The following C10orf90 variants were observed in gnomAD, a reference collection of about 807,000 sequenced individuals.
C10orf90 encodes chromosome 10 open reading frame 90, also known as (E2-independent) E3 ubiquitin-conjugating enzyme FATS.
A neutral mutation model predicts 62.5 loss-of-function variants in C10orf90; 56 were observed. That is an observed-to-expected ratio of 0.90 (90% CI 0.72 to 1.12). The LOEUF (loss-of-function observed/expected upper bound fraction) is 1.12. C10orf90 is among the 50% of genes most tolerant of loss of function. The pLI is 0.00. For synonymous variants in C10orf90, 386 were observed against 340.4 expected, an observed-to-expected ratio of 1.13 and a Z score of -1.47; for missense variants, 970 against 880.4, an observed-to-expected ratio of 1.10 and a Z score of -1.29.
chr10:126,567,228 G>T (rs1355302552), intron 2 of C10orf90, among the ~76,000 whole-genome samples: 2 of 152,210 alleles, frequency 1.3e-5, no homozygotes, highest in Non-Finnish European at 2.9e-5. Flanking sequence ...GGGTAGCATG[G>T]CTGGGAAAGC....
chr10:126,591,739 G>C (rs1844983843), intron 2 of C10orf90, among the ~76,000 whole-genome samples: 1 of 152,054 alleles, frequency 6.6e-6, no homozygotes, highest in East Asian at 1.9e-4. Flanking sequence ...ATTTAAATAG[G>C]AAGACAGGAA....
chr10:126,649,271 G>T (rs545216295), intron 1 of C10orf90, among the ~76,000 whole-genome samples: 1 of 152,076 alleles, frequency 6.6e-6, no homozygotes, highest in East Asian at 1.9e-4. Context: ...ACAACATCCT[G>T]CAAAGACTTG....
At chr10:126,662,305 G>A (rs943147579) in intron 1 of C10orf90, among the ~76,000 whole-genome samples, 9 of 152,030 alleles carry the variant, frequency 5.9e-5, no homozygotes, top group Non-Finnish European at 1.3e-4. Context: ...GGTGGTAAAG[G>A]ACCCGAATGA....
chr10:126,437,789 A>G (rs1207653056), intron 7 of C10orf90, among the ~76,000 whole-genome samples: 102 of 152,282 alleles, frequency 6.7e-4, no homozygotes, highest in Middle Eastern at 3.4e-3. Context: ...ACCTCTCCAT[A>G]CCATGGCAAC....
At position 126,524,713 on chromosome 10, in the gene C10orf90, G is replaced by T. The variant is rs142067508; in HGVS notation, c.314-10774C>A. 7.1e-6 allele frequency: 7 copies of T among 985,822 alleles called. No homozygotes were observed. In the South Asian group the frequency reaches 1.4e-4, roughly 20 times the overall value. 61.1% of individuals were successfully genotyped at this position (985,822 alleles called of 1,614,324 possible). A position where few individuals can be genotyped will look rare whatever the true frequency, so the allele number is the denominator to read the frequency against. The stretch of plus-strand genomic sequence containing the variant: ...TCCTCTGGGCTCATCTTCCTCATCC[G>T]CGAGGCAAGGAGTGCACGCACCTGT... On this transcript the variant is annotated intron_variant, in intron 2 of 9. Coordinates refer to ENST00000488181, the MANE Select transcript of C10orf90 (RefSeq NM_001350921.2).
chr10:126,491,484 C>T (rs1861771099), intron 4 of C10orf90, among the ~76,000 whole-genome samples: 1 of 152,120 alleles, frequency 6.6e-6, no homozygotes, highest in Non-Finnish European at 1.5e-5. Context: ...CAACAGAGTA[C>T]AGAACCGGGT....
chr10:126,645,459 G>T (rs923954936), intron 2 of C10orf90, among the ~76,000 whole-genome samples: 8 of 151,410 alleles, frequency 5.3e-5, no homozygotes, highest in Non-Finnish European at 1.2e-4. Context: ...GGATGGTGGT[G>T]CGTGCCTCTA....
At chr10:126,497,926 C>T (rs1862159520) in intron 4 of C10orf90, among the ~76,000 whole-genome samples, 1 of 152,212 alleles carries the variant, frequency 6.6e-6, no homozygotes, top group East Asian at 1.9e-4. Context: ...GGGCTGAGTT[C>T]TTGTCCATTC....
intron 7 of C10orf90, among the ~76,000 whole-genome samples, chr10:126,446,437 T>C (rs1858785586): frequency 6.6e-6 from 1 of 152,064 alleles, no homozygotes; most frequent in South Asian, 2.1e-4. Flanking sequence ...ATCAGCTGAT[T>C]TCTCAGCAGA....
chr10:126,469,845 C>A (rs1218326112), intron 4 of C10orf90: 1 of 456,558 alleles, frequency 2.2e-6, no homozygotes, highest in Non-Finnish European at 4.4e-6. Flanking sequence ...TGAACACCCA[C>A]TCTGCATGGG....
At chr10:126,635,063 C>T (rs1032395426) in intron 2 of C10orf90, among the ~76,000 whole-genome samples, 44 of 152,308 alleles carry the variant, frequency 2.9e-4, no homozygotes, top group African/African-American at 1.0e-3. Context: ...AATGTTTAAT[C>T]ACCCTTACAG....
At chr10:126,599,278 C>G (rs1008743599) in intron 2 of C10orf90, among the ~76,000 whole-genome samples, 63 of 151,670 alleles carry the variant, frequency 4.2e-4, no homozygotes, top group Non-Finnish European at 8.7e-4. Context: ...CTTCGCCTCC[C>G]GGGTTCACGC....
chr10:126,545,168 C>T (rs904397077), intron 2 of C10orf90, among the ~76,000 whole-genome samples: 1 of 152,082 alleles, frequency 6.6e-6, no homozygotes, highest in Non-Finnish European at 1.5e-5. Flanking sequence ...GTAATCATAC[C>T]CAGCCCTCCC....
At position 126,425,714 on chromosome 10, in the gene C10orf90, T is replaced by A. The variant is rs969152202; in HGVS notation, c.*150A>T. ...TTTCTGTTTGGCTTGGGTCAGTAAT[T>A]CAGGAAGTGATGTTTTCCTTTATGG... is the stretch of plus-strand genomic sequence containing the variant. On this transcript the variant is annotated 3_prime_UTR_variant, in exon 10 of 10. Coordinates refer to ENST00000488181, the MANE Select transcript of C10orf90 (RefSeq NM_001350921.2). 3 of 772,872 alleles carry A rather than the reference T, an allele frequency of 3.9e-6. No individual in the cohort carries two copies. The highest frequency in any genetic ancestry group is 6.1e-6 in the Non-Finnish European group (3 of 495,160). The allele number at this position is 772,872 out of a possible 1,614,324, so 47.9% of individuals were successfully genotyped here.
intron 2 of C10orf90, among the ~76,000 whole-genome samples, chr10:126,616,876 C>T (rs1185430894): frequency 1.3e-5 from 2 of 152,114 alleles, no homozygotes; most frequent in African/African-American, 2.4e-5. Context: ...CCTTCAGTGC[C>T]CCAGCAAAGT....
intron 2 of C10orf90, among the ~76,000 whole-genome samples, chr10:126,592,511 C>A (rs1176858527): frequency 6.6e-6 from 1 of 152,088 alleles, no homozygotes; most frequent in Non-Finnish European, 1.5e-5. Context: ...TGAAACTGGA[C>A]CCCTTCCTTA....
chr10:126,521,407 T>A (rs1863737350), intron 2 of C10orf90: 1 of 1,600,870 alleles, frequency 6.2e-7, no homozygotes, highest in Admixed American at 1.7e-5. Context: ...AAGAAAAAAA[T>A]GTCCGGAGTT....
At chr10:126,532,613 A>G (rs567042800) in intron 2 of C10orf90, among the ~76,000 whole-genome samples, 7 of 151,792 alleles carry the variant, frequency 4.6e-5, no homozygotes, top group South Asian at 4.2e-4. Context: ...CGAGGAGGGC[A>G]GATCACGAGG....
chr10:126,551,608 C>A (rs528033290), intron 2 of C10orf90, among the ~76,000 whole-genome samples: 3 of 152,272 alleles, frequency 2.0e-5, no homozygotes, highest in African/African-American at 7.2e-5. Context: ...CCTACTGAAT[C>A]TCAGCAGATC....
Sources: allele counts gnomAD v4.1 joint callset (sites outside exome capture counted in the v4.1 genomes callset), GRCh38; gene constraint gnomAD v4.1.1; transcripts MANE v1.5; gene names NCBI Gene and HGNC (gene_info 2026-07-23, HGNC 2026-07-21).